SLC5A1: variants seen among roughly 807,000 people sequenced by gnomAD.
The protein encoded by SLC5A1 is solute carrier family 5 member 1, also known as sodium/glucose cotransporter 1.
Under a neutral mutation model 73.5 loss-of-function variants are expected in SLC5A1, and 42 were observed. The ratio of observed to expected loss-of-function variants is 0.57; its 90% CI spans 0.45 to 0.74. The LOEUF (loss-of-function observed/expected upper bound fraction) is 0.74. Ranked by LOEUF, SLC5A1 falls within the 30% of genes least tolerant of loss-of-function variation. SLC5A1 has a pLI of 0.00. For synonymous variants in SLC5A1, 300 were observed against 317.4 expected, an observed-to-expected ratio of 0.95 and a Z score of 0.58; for missense variants, 634 against 855.4, an observed-to-expected ratio of 0.74 and a Z score of 3.23.
chr22:32,078,954 CAAAAAAAAAAAAAAAAA>C (rs6147589), intron 5 of SLC5A1, among the ~76,000 whole-genome samples: 7 of 109,108 alleles, frequency 6.4e-5, no homozygotes, highest in African/African-American at 1.3e-4. Flanking sequence ...ACTCTGTCTC[CAAAAAAAAAAAAAAAAA>C]AAAAAAAAAA....
rs1322289651 is a variant in SLC5A1 at position 32,101,976 on chromosome 22, T to C, written c.1450-46T>C. 5 of 1,422,668 alleles carry C rather than the reference T, an allele frequency of 3.5e-6. No homozygotes were observed. In the Admixed American group the frequency reaches 8.4e-5, roughly 24 times the overall value. 88.1% of individuals were successfully genotyped at this position (1,422,668 alleles called of 1,614,324 possible). On this transcript the variant is annotated intron_variant, in intron 12 of 14. Transcript: ENST00000266088. The stretch of plus-strand genomic sequence containing the variant: ...TCCAAAGAATGTTAGAAAGGCCATC[T>C]GTTTTGTGTGTTCAGCATGAGTTAA...
chr22:32,052,289 T>A (rs1417028765), intron 2 of SLC5A1, among the ~76,000 whole-genome samples: 1 of 152,128 alleles, frequency 6.6e-6, no homozygotes, highest in East Asian at 1.9e-4. Flanking sequence ...CTGATGAAAA[T>A]TTTCCCTGAA....
intron 2 of SLC5A1, among the ~76,000 whole-genome samples, chr22:32,055,134 G>A (rs1171967311): frequency 6.6e-6 from 1 of 152,184 alleles, no homozygotes; most frequent in Non-Finnish European, 1.5e-5. Flanking sequence ...CCAAAAACTG[G>A]TGGGAAAATG....
intron 14 of SLC5A1, among the ~76,000 whole-genome samples, chr22:32,105,173 G>C (rs1012487141): frequency 6.6e-6 from 1 of 152,164 alleles, no homozygotes; most frequent in Non-Finnish European, 1.5e-5. Context: ...AGGTACGTGA[G>C]ATGTTCTGAT....
At chr22:32,054,839 AT>A (rs1198386438) in intron 2 of SLC5A1, among the ~76,000 whole-genome samples, 1 of 151,836 alleles carries the variant, frequency 6.6e-6, no homozygotes, top group African/African-American at 2.4e-5. Context: ...AGCCTGGCTA[AT>A]TTTTTTGTAT....
chr22:32,084,108 CAG>C (rs1478357689), intron 7 of SLC5A1, among the ~76,000 whole-genome samples: 2 of 152,208 alleles, frequency 1.3e-5, no homozygotes, highest in Admixed American at 6.6e-5. Flanking sequence ...AGGGAAAAAA[CAG>C]AGTCTTTGTA....
In SLC5A1 at chr22:32,083,666, AT is replaced by A. The variant is rs757611170; in HGVS notation, c.664+526del. Among the ~76,000 whole-genome samples the A allele has an allele frequency of 4.0e-3, 576 of 143,448 alleles. 1 individual carries two copies. The highest frequency in any genetic ancestry group is 9.3e-3 in the South Asian group (42 of 4,528). The allele number at this position is 143,448 out of a possible 152,430, so 94.1% of individuals were successfully genotyped here. A position where few individuals can be genotyped will look rare whatever the true frequency, so the allele number is the denominator to read the frequency against. On this transcript the variant is annotated intron_variant, in intron 7 of 14. Transcript: ENST00000266088. The stretch of plus-strand genomic sequence containing the variant: ...CTCCTCAGGGTTGGCCCTCCAATTA[AT>A]TTTTTTTTTTTTTGCAATTTTACTT...
chr22:32,079,055 G>A (rs765513175), intron 5 of SLC5A1, among the ~76,000 whole-genome samples: 6 of 151,234 alleles, frequency 4.0e-5, no homozygotes, highest in African/African-American at 1.5e-4. Flanking sequence ...GTTGTTTTGA[G>A]GATCAAAATA....
rs569307467 is a variant in SLC5A1 at position 32,055,991 on chromosome 22, G to C, written c.207+5977G>C. The stretch of plus-strand genomic sequence containing the variant: ...CAGACCTACTGAATCACAAACGCTA[G>C]CAAATGGGGCCCAGTAATCTGCGTA... On this transcript the variant is annotated intron_variant, in intron 2 of 14. Transcript: ENST00000266088. 3.9e-3 allele frequency among the ~76,000 whole-genome samples: 592 copies of C among 152,236 alleles called. 7 individuals carry two copies. The highest frequency in any genetic ancestry group is 0.014 in the African/African-American group (579 of 41,532).
chr22:32,063,303 G>A (rs1156333883), intron 2 of SLC5A1, among the ~76,000 whole-genome samples: 1 of 152,128 alleles, frequency 6.6e-6, no homozygotes, highest in Non-Finnish European at 1.5e-5. Context: ...TTATCCTCTT[G>A]GGAGGAGAAA....
chr22:32,099,333 G>A lies in SLC5A1; in HGVS notation c.1431G>A (p.Trp477Ter), dbSNP rs200665892. 1.9e-6 allele frequency: 3 copies of A among 1,612,690 alleles called. No homozygotes were observed. The highest frequency in any genetic ancestry group is 2.5e-6 in the Non-Finnish European group (3 of 1,179,456). ...CTGTCTTCCTGCTTGCTATTTTCTGGAAGAGAGTCAATGAGCCAGTAGGTA... is the reference window on the plus strand; with the variant it reads ...CTGTCTTCCTGCTTGCTATTTTCTGAAAGAGAGTCAATGAGCCAGTAGGTA... Reference protein sequence around the residue: ...IAAVFLLAIFWKRVNEPGAFW... With the variant: ...IAAVFLLAIF Residue 477 changes from tryptophan (W) to a stop codon, truncating the protein, a stop_gained, in exon 12 of 15, where the codon TGG (tryptophan) becomes TGA (stop). Transcript: ENST00000266088. LOFTEE classifies it high-confidence loss of function.
intron 10 of SLC5A1, among the ~76,000 whole-genome samples, chr22:32,087,616 A>T (rs2094010334): frequency 6.6e-6 from 1 of 151,908 alleles, no homozygotes; most frequent in Non-Finnish European, 1.5e-5. Flanking sequence ...CTTAGCTGTG[A>T]CTCCTGAATA....
At chr22:32,059,006 T>G (rs1306472887) in intron 2 of SLC5A1, among the ~76,000 whole-genome samples, 1 of 152,202 alleles carries the variant, frequency 6.6e-6, no homozygotes, top group Admixed American at 6.5e-5. Flanking sequence ...AAGTGGAACA[T>G]TCAAAGATTT....
chr22:32,090,848 C>T (rs77934710), intron 10 of SLC5A1, among the ~76,000 whole-genome samples: 4,499 of 152,102 alleles, frequency 0.03, 204 homozygotes, highest in African/African-American at 0.097. Context: ...TTTTACATTC[C>T]TGCCAGCAAT....
intron 1 of SLC5A1, among the ~76,000 whole-genome samples, chr22:32,048,786 A>G (rs927183705): frequency 2.0e-5 from 3 of 152,104 alleles, no homozygotes; most frequent in African/African-American, 7.2e-5. Context: ...GTCATGATAT[A>G]TTGGCTGGGT....
At chr22:32,100,167 T>C (rs1171343451) in intron 12 of SLC5A1, among the ~76,000 whole-genome samples, 5 of 151,764 alleles carry the variant, frequency 3.3e-5, no homozygotes, top group Non-Finnish European at 5.9e-5. Flanking sequence ...TCAAGGAGAG[T>C]TTGTGAATGT....
chr22:32,098,287 C>G (rs2094029610), intron 11 of SLC5A1, among the ~76,000 whole-genome samples: 1 of 152,148 alleles, frequency 6.6e-6, no homozygotes, highest in Admixed American at 6.5e-5. Context: ...TTGTATTGTA[C>G]ACATGATCAT....
At chr22:32,066,109 G>A (rs533498784) in intron 2 of SLC5A1, among the ~76,000 whole-genome samples, 1 of 152,228 alleles carries the variant, frequency 6.6e-6, no homozygotes, top group African/African-American at 2.4e-5. Flanking sequence ...TCCCTCTCTT[G>A]CTTTACCTGA....
intron 6 of SLC5A1, 26 bp from the exon 7 acceptor site, chr22:32,083,048 G>C (rs914351672): frequency 1.2e-6 from 2 of 1,609,384 alleles, no homozygotes; most frequent in African/African-American, 1.3e-5. Flanking sequence ...CACGAGGTCA[G>C]ATGTGTTGTC....
Sources: gnomAD v4.1 joint callset for allele counts (sites outside exome capture counted in the v4.1 genomes callset) on GRCh38, gnomAD v4.1.1 for gene constraint, MANE v1.5 for transcripts, NCBI Gene and HGNC (gene_info 2026-07-23, HGNC 2026-07-21) for gene names.